The following ZNF177 variants were observed in gnomAD, a reference collection of about 807,000 sequenced individuals.
ZNF177 encodes the protein zinc finger protein 177.
Under a neutral mutation model 19.4 loss-of-function variants are expected in ZNF177, and 17 were observed. The ratio of observed to expected loss-of-function variants is 0.87; its 90% confidence interval spans 0.60 to 1.31. The LOEUF is 1.31. Ranked by LOEUF, ZNF177 falls within the 40% of genes most tolerant of loss-of-function variation. The pLI is 0.00. For missense variants in ZNF177, 633 were observed against 561.8 expected, an observed-to-expected ratio of 1.13 and a Z score of -1.28; for synonymous variants, 220 against 188.7, an observed-to-expected ratio of 1.17 and a Z score of -1.36.
upstream of ZNF177, among the ~76,000 whole-genome samples, chr19:9,372,363 GA>G (rs1232924390): frequency 2.6e-5 from 4 of 151,920 alleles, no homozygotes; most frequent in Non-Finnish European, 2.9e-5. Context: ...CTTTCATATG[GA>G]AATTTTACTT....
At chr19:9,378,694 A>T in intron 2 of ZNF177, 1 of 556,592 alleles carries the variant, frequency 1.8e-6, no homozygotes, top group Non-Finnish European at 3.0e-6. Flanking sequence ...AAGAGTCCTC[A>T]CAACCTAACT....
intron 1 of ZNF177, 103 bp from the exon 4 acceptor site, chr19:9,378,156 C>CT (rs2068138538): frequency 1.9e-6 from 2 of 1,046,742 alleles, no homozygotes; most frequent in Non-Finnish European, 2.7e-6. Flanking sequence ...TAACTACACT[C>CT]TATGTGTATG....
At chr19:9,374,346 C>T (rs2068083847), upstream of ZNF177, among the ~76,000 whole-genome samples, 1 of 152,080 alleles carries the variant, frequency 6.6e-6, no homozygotes, top group African/African-American at 2.4e-5. Context: ...CAGTATTGTT[C>T]AAGATTGCTT....
intron 2 of ZNF177, among the ~76,000 whole-genome samples, chr19:9,370,791 C>G (rs1217651857): frequency 6.6e-6 from 1 of 152,146 alleles, no homozygotes; most frequent in Non-Finnish European, 1.5e-5. Flanking sequence ...AGTACAGACA[C>G]AAGCATTCAT....
At chr19:9,363,296 G>A (rs1478696044) in intron 1 of ZNF177, 1 of 152,332 alleles carries the variant, frequency 6.6e-6, no homozygotes, top group African/African-American at 2.4e-5. Flanking sequence ...GAGGAGGCAA[G>A]TGGGTTCATG....
At chr19:9,376,818 T>TA (rs2068116033) in intron 1 of ZNF177, among the ~76,000 whole-genome samples, 1 of 152,218 alleles carries the variant, frequency 6.6e-6, no homozygotes, top group Non-Finnish European at 1.5e-5. Flanking sequence ...ATACCACTGT[T>TA]ACAGTATTAG....
intron 2 of ZNF177, among the ~76,000 whole-genome samples, chr19:9,365,990 G>C (rs959383425): frequency 7.2e-5 from 11 of 152,092 alleles, no homozygotes; most frequent in African/African-American, 2.7e-4. Context: ...GAGGTCCCCA[G>C]ATCTGAGTCA....
intron 1 of ZNF177, among the ~76,000 whole-genome samples, chr19:9,378,022 G>A (rs1178148212): frequency 2.0e-5 from 3 of 152,132 alleles, no homozygotes; most frequent in Non-Finnish European, 4.4e-5. Flanking sequence ...TTCCTCCTGA[G>A]CTGTTAGCAG....
chr19:9,372,115 A>AT (rs1004485937), upstream of ZNF177, among the ~76,000 whole-genome samples: 3 of 152,100 alleles, frequency 2.0e-5, no homozygotes, highest in African/African-American at 4.8e-5. Flanking sequence ...TGTATATAAG[A>AT]TTTTTTCTCA....
intron 1 of ZNF177, among the ~76,000 whole-genome samples, chr19:9,376,706 G>A (rs2068113815): frequency 6.6e-6 from 1 of 151,990 alleles, no homozygotes; most frequent in Admixed American, 6.6e-5. Flanking sequence ...TTATGTTTTT[G>A]ATGTCACAAT....
chr19:9,380,821 A>T (rs2068185842), exon 6 of ZNF177: 1 of 1,536,132 alleles, frequency 6.5e-7, no homozygotes, highest in South Asian at 1.2e-5. Flanking sequence ...CTCAACTCTT[A>T]GGAGTCATGT....
At chr19:9,367,676 AAAG>A (rs769617736) in intron 2 of ZNF177, among the ~76,000 whole-genome samples, 38 of 152,328 alleles carry the variant, frequency 2.5e-4, no homozygotes, top group Non-Finnish European at 4.6e-4. Context: ...TGCCAATCTC[AAAG>A]AATATTCTTC....
At chr19:9,370,982 A>C (rs571893563) in intron 2 of ZNF177, among the ~76,000 whole-genome samples, 1 of 152,342 alleles carries the variant, frequency 6.6e-6, no homozygotes, top group African/African-American at 2.4e-5. Context: ...TGGCTATTGA[A>C]GTTTAAATGC....
intron 2 of ZNF177, among the ~76,000 whole-genome samples, chr19:9,369,063 A>G (rs918225629): frequency 6.6e-6 from 1 of 152,134 alleles, no homozygotes; most frequent in Non-Finnish European, 1.5e-5. Flanking sequence ...CTGGCTTTAC[A>G]GTATATTCAC....
At chr19:9,380,478 CAG>C (rs1479741927) in intron 5 of ZNF177, 188 bp from the exon 8 acceptor site, 8 of 1,132,756 alleles carry the variant, frequency 7.1e-6, no homozygotes, top group Non-Finnish European at 9.9e-6. Context: ...GAGCCTTGGA[CAG>C]AGGAGTGAGC....
At chr19:9,378,976 C>T (rs1401203550) in exon 3 of ZNF177, 20 of 1,607,380 alleles carry the variant, frequency 1.2e-5, no homozygotes, top group Non-Finnish European at 1.6e-5. Context: ...CAGTAACCTT[C>T]CAGGAAGTGG....
chr19:9,366,736 C>G (rs952166537), intron 2 of ZNF177, among the ~76,000 whole-genome samples: 1 of 152,086 alleles, frequency 6.6e-6, no homozygotes, highest in Non-Finnish European at 1.5e-5. Flanking sequence ...ATGAGACGAA[C>G]TTTTATGTTT....
Position 9,381,156 on chromosome 19 carries a change from CAG to C in ZNF177, c.827_828del (p.Arg276AsnfsTer9), listed in dbSNP as rs746894473. 2.5e-6 allele frequency: 4 copies of C among 1,614,046 alleles called. No homozygotes were observed. In the African/African-American group the frequency reaches 4.0e-5, roughly 16 times the overall value. ...ACCCTTTGTCCCTTCAGAACTGTGTCAGAACTCACTCTGGAGAGATGCCCTAT... is the reference window on the plus strand; with the variant it reads ...ACCCTTTGTCCCTTCAGAACTGTGTCAACTCACTCTGGAGAGATGCCCTAT... On this transcript the variant is annotated frameshift_variant, in exon 6 of 6. Transcript: ENST00000589262. LOFTEE classifies it low-confidence loss of function (END_TRUNC).
At chr19:9,380,486 T>A in intron 5 of ZNF177, 182 bp from the exon 8 acceptor site, 1 of 1,204,872 alleles carries the variant, frequency 8.3e-7, no homozygotes, top group Non-Finnish European at 1.2e-6. Context: ...GACAGAGGAG[T>A]GAGCTTATTC....
Sources: allele counts gnomAD v4.1 joint callset (sites outside exome capture counted in the v4.1 genomes callset), GRCh38; gene constraint gnomAD v4.1.1; transcripts MANE v1.5; gene names NCBI Gene and HGNC (gene_info 2026-07-23, HGNC 2026-07-21).